The following GRID2 variants were observed in gnomAD, a reference collection of about 807,000 sequenced individuals.
GRID2 encodes the protein glutamate ionotropic receptor delta type subunit 2, also known as glutamate receptor ionotropic, delta-2.
A neutral mutation model predicts 114.8 loss-of-function variants in GRID2; 33 were observed. The ratio of observed to expected loss-of-function variants is 0.29; its 90% CI spans 0.22 to 0.38. The LOEUF (loss-of-function observed/expected upper bound fraction) is 0.38. Ranked by LOEUF, GRID2 falls within the 10% of genes least tolerant of loss-of-function variation. The pLI is 1.00. For missense variants in GRID2, 1,184 were observed against 1,257.7 expected, an observed-to-expected ratio of 0.94 and a Z score of 0.89; for synonymous variants, 505 against 449.9, an observed-to-expected ratio of 1.12 and a Z score of -1.55.
chr4:92,476,193 CT>C (rs1201696307), intron 1 of GRID2, among the ~76,000 whole-genome samples: 1 of 151,636 alleles, frequency 6.6e-6, no homozygotes, highest in African/African-American at 2.4e-5. Context: ...GCCCGGCTAA[CT>C]TTTTGTACTT....
At chr4:93,154,524 AT>A (rs1361123489) in intron 4 of GRID2, among the ~76,000 whole-genome samples, 1 of 152,000 alleles carries the variant, frequency 6.6e-6, no homozygotes, top group African/African-American at 2.4e-5. Context: ...GTTAAACAAT[AT>A]TTGTCATTTA....
chr4:93,725,106 T>C (rs1481403841), intron 14 of GRID2, among the ~76,000 whole-genome samples: 1 of 152,138 alleles, frequency 6.6e-6, no homozygotes, highest in Non-Finnish European at 1.5e-5. Flanking sequence ...TTACATTAGG[T>C]ATATCTCCTA....
intron 2 of GRID2, among the ~76,000 whole-genome samples, chr4:92,592,669 A>G (rs957982536): frequency 2.6e-5 from 4 of 152,128 alleles, no homozygotes; most frequent in Non-Finnish European, 5.9e-5. Context: ...GGTTTCTGAT[A>G]CTAACAGGAT....
intron 8 of GRID2, among the ~76,000 whole-genome samples, chr4:93,273,509 A>G (rs1274789303): frequency 2.6e-5 from 4 of 151,764 alleles, no homozygotes; most frequent in South Asian, 2.1e-4. Flanking sequence ...ACCTATGCAT[A>G]TGTTACATTC....
chr4:93,393,754 T>A (rs1765071365), intron 8 of GRID2, among the ~76,000 whole-genome samples: 1 of 152,044 alleles, frequency 6.6e-6, no homozygotes, highest in Non-Finnish European at 1.5e-5. Flanking sequence ...CTGATATTTT[T>A]GACTACTCAA....
At chr4:92,451,835 A>G (rs1720939675) in intron 1 of GRID2, among the ~76,000 whole-genome samples, 1 of 152,216 alleles carries the variant, frequency 6.6e-6, no homozygotes, top group Non-Finnish European at 1.5e-5. Flanking sequence ...GAGCCTAAGT[A>G]TTCATCTCAA....
intron 1 of GRID2, among the ~76,000 whole-genome samples, chr4:92,433,966 C>A (rs1210171541): frequency 6.6e-6 from 1 of 152,182 alleles, no homozygotes; most frequent in Non-Finnish European, 1.5e-5. Flanking sequence ...TAATGCATAT[C>A]ATATACTTTA....
At chr4:92,391,272 C>T (rs1417020813) in intron 1 of GRID2, among the ~76,000 whole-genome samples, 1 of 152,046 alleles carries the variant, frequency 6.6e-6, no homozygotes, top group Non-Finnish European at 1.5e-5. Flanking sequence ...AGTTAAACTT[C>T]CAAGGCTCTT....
chr4:93,196,228 A>G (rs1007375223), intron 4 of GRID2, among the ~76,000 whole-genome samples: 2 of 152,158 alleles, frequency 1.3e-5, no homozygotes, highest in African/African-American at 4.8e-5. Context: ...GGAAGAAACT[A>G]TGAAAGAAAT....
rs567236967 is a variant in GRID2 at position 93,312,028 on chromosome 4, T to C, written c.1245+73538T>C. On this transcript the variant is annotated intron_variant, in intron 8 of 15. Coordinates refer to ENST00000282020, the MANE Select transcript of GRID2 (RefSeq NM_001510.4). ...TTTTTAGGCAGGAGAGATTTGAATATATGTATATTCTCTGCTTCCATTATC... is the reference window on the plus strand; with the variant it reads ...TTTTTAGGCAGGAGAGATTTGAATACATGTATATTCTCTGCTTCCATTATC... Among the ~76,000 whole-genome samples the C allele has an allele frequency of 3.3e-5, 5 of 152,288 alleles. No individual in the cohort carries two copies. In the South Asian group the frequency reaches 8.3e-4, roughly 25 times the overall value.
chr4:93,757,946 G>C (rs1355428082), intron 14 of GRID2, among the ~76,000 whole-genome samples: 1 of 152,136 alleles, frequency 6.6e-6, no homozygotes, highest in Admixed American at 6.5e-5. Flanking sequence ...AACAGGGCGA[G>C]ACTCCGTCTC....
At chr4:93,419,287 C>T (rs1293205884) in intron 9 of GRID2, among the ~76,000 whole-genome samples, 1 of 151,814 alleles carries the variant, frequency 6.6e-6, no homozygotes, top group Non-Finnish European at 1.5e-5. Flanking sequence ...TACCTTGATG[C>T]AGTAGCTAGC....
chr4:93,608,758 G>A lies in GRID2; in HGVS notation c.2194-17511G>A, dbSNP rs1277732738. 2.2e-5 allele frequency among the ~76,000 whole-genome samples: 3 copies of A among 137,444 alleles called. 1 individual carries two copies. Among genetic ancestry groups the A allele is most frequent in the Non-Finnish European group, 4.8e-5 (3 of 61,930 alleles). 90.2% of individuals were successfully genotyped at this position (137,444 alleles called of 152,430 possible). ...CCAAGTCTTTGCTATTGTGAACAGT[G>A]CCGCAATAAACATACGGGTGCATGT... On this transcript the variant is annotated intron_variant, in intron 13 of 15. Coordinates refer to ENST00000282020, the MANE Select transcript of GRID2 (RefSeq NM_001510.4).
In GRID2 at chr4:93,476,620, C is replaced by A. The variant is rs1238098564; in HGVS notation, c.1859-14019C>A. On this transcript the variant is annotated intron_variant, in intron 11 of 15. Transcript: ENST00000282020. ...TTGGTTTCTCCTTTTTATTTTTTAA[C>A]AAAACTTCTAAAATATCAAAATGGA... 2.6e-5 allele frequency among the ~76,000 whole-genome samples: 4 copies of A among 152,074 alleles called. No individual in the cohort carries two copies. In the East Asian group the frequency reaches 5.8e-4, roughly 22 times the overall value.
chr4:93,680,952 A>T (rs1725464374), intron 14 of GRID2, among the ~76,000 whole-genome samples: 1 of 151,362 alleles, frequency 6.6e-6, no homozygotes, highest in African/African-American at 2.4e-5. Context: ...GGAGAAGGAA[A>T]TATAAGGTAT....
At chr4:93,375,218 T>C (rs1027803325) in intron 8 of GRID2, among the ~76,000 whole-genome samples, 1 of 149,414 alleles carries the variant, frequency 6.7e-6, no homozygotes, top group Admixed American at 6.7e-5. Flanking sequence ...TTTTCCCTTT[T>C]TTTTTTTTTT....
intron 14 of GRID2, among the ~76,000 whole-genome samples, chr4:93,627,785 G>A (rs902520934): frequency 6.6e-6 from 1 of 152,178 alleles, no homozygotes; most frequent in Non-Finnish European, 1.5e-5. Context: ...TGTTCCATCT[G>A]CCCACAGATC....
intron 1 of GRID2, among the ~76,000 whole-genome samples, chr4:93,796,441 C>A (rs992284436): frequency 2.0e-5 from 3 of 152,092 alleles, no homozygotes; most frequent in African/African-American, 7.2e-5. Flanking sequence ...AGAGGGGAAT[C>A]TATGTAGAGT....
At chr4:93,740,865 C>T (rs1731303866) in intron 14 of GRID2, among the ~76,000 whole-genome samples, 1 of 146,432 alleles carries the variant, frequency 6.8e-6, no homozygotes, top group Non-Finnish European at 1.5e-5. Flanking sequence ...CTTGGTTCTA[C>T]TATTTTTTTT....
Sources: gnomAD v4.1 joint callset for allele counts (sites outside exome capture counted in the v4.1 genomes callset) on GRCh38, gnomAD v4.1.1 for gene constraint, MANE v1.5 for transcripts, NCBI Gene and HGNC (gene_info 2026-07-23, HGNC 2026-07-21) for gene names.